The following FERMT3 variants were observed in gnomAD, a reference collection of about 807,000 sequenced individuals.
The protein encoded by FERMT3 is FERM domain containing kindlin 3.
Under a neutral mutation model 80.8 loss-of-function variants are expected in FERMT3, and 33 were observed. The observed-to-expected ratio is 0.41, with a 90% CI of 0.31 to 0.55. The LOEUF (loss-of-function observed/expected upper bound fraction) is 0.55, where lower values mean the gene tolerates loss of function less well. FERMT3 is among the 20% of genes least tolerant of loss of function. The probability of loss-of-function intolerance (pLI) is 0.31; values close to 1 mark genes in which losing one functional copy is unlikely to be tolerated. For missense variants in FERMT3, 754 were observed against 908.7 expected (o/e 0.83, Z 2.19); for synonymous variants, 375 against 372.2 (o/e 1.01, Z -0.09).
Position 64,210,582 on chromosome 11 carries a change from G to A in FERMT3, c.161-29G>A. The A allele has an allele frequency of 6.2e-7, 1 of 1,603,362 alleles. No individual in the cohort carries two copies. Among genetic ancestry groups the A allele is most frequent in the South Asian group, 1.1e-5 (1 of 90,886 alleles). On this transcript the variant is annotated intron_variant, in intron 2 of 14. Coordinates refer to ENST00000345728, the MANE Select transcript of FERMT3 (RefSeq NM_031471.6). This position sits in a 1 kb window ranked among gnomAD's most constrained non-coding sequence, Gnocchi z 4.3. ...GTTGGGGGCACCAGGGAGGAAGGTT[G>A]GACCCAGATGTGCCCCCGTGCCCCA...
Position 64,210,621 on chromosome 11 carries a change from G to A in FERMT3, c.171G>A (p.Gln57=). 2 of 1,614,076 alleles carry A rather than the reference G, an allele frequency of 1.2e-6. No individual in the cohort carries two copies. Among genetic ancestry groups the A allele is most frequent in the Non-Finnish European group, 8.5e-7 (1 of 1,179,952 alleles). ...LKIVEQINRK[Q]DWSDHAIWWE... is the part of the protein sequence containing the mutation. ...CCCCGTGCCCCACAGATCGCAAGCA[G>A]GACTGGTCAGACCATGCTATTTGGT... The change falls in exon 3 of 15, where the codon CAG becomes CAA. Residue 57 remains glutamine (Q), a synonymous_variant. Transcript: ENST00000345728. The surrounding 1 kb of genome is among the most constrained non-coding windows in gnomAD (Gnocchi z 4.3).
Position 64,219,697 on chromosome 11 carries a change from C to T in FERMT3, c.1029+39C>T, listed in dbSNP as rs957897162. ...CAGGGCAGGGGCTGGGCAGGGAGAACTGTGAGGTACCGGGTGCCCCTCTGA... is the reference window on the plus strand; with the variant it reads ...CAGGGCAGGGGCTGGGCAGGGAGAATTGTGAGGTACCGGGTGCCCCTCTGA... On this transcript the variant is annotated intron_variant, in intron 8 of 14. Transcript: ENST00000345728. This position sits in a 1 kb window ranked among gnomAD's most constrained non-coding sequence, Gnocchi z 4.0. The T allele has an allele frequency of 8.1e-6, 13 of 1,613,620 alleles. No individual in the cohort carries two copies. Among genetic ancestry groups the T allele is most frequent in the Non-Finnish European group, 8.5e-6 (10 of 1,179,896 alleles).
At position 64,211,811 on chromosome 11, in the gene FERMT3, G is replaced by C; in HGVS notation, c.786+64G>C. 1 of 1,492,406 alleles carries C rather than the reference G, an allele frequency of 6.7e-7. No individual in the cohort carries two copies. The highest frequency in any genetic ancestry group is 1.1e-5 in the South Asian group (1 of 88,416). The allele number at this position is 1,492,406 out of a possible 1,614,324, so 92.4% of individuals were successfully genotyped here. ...GAGATGTGGAGACCTAGGGCCTGGG[G>C]TATGGGCTCTGGGATGTTAGTGACT... is the stretch of plus-strand genomic sequence containing the variant. On this transcript the variant is annotated intron_variant, in intron 6 of 14. Coordinates refer to ENST00000345728, the MANE Select transcript of FERMT3 (RefSeq NM_031471.6). This position sits in a 1 kb window ranked among gnomAD's most constrained non-coding sequence, Gnocchi z 4.7.
chr11:64,215,453 C>T (rs1200431315), intron 6 of FERMT3, among the ~76,000 whole-genome samples: 1 of 151,994 alleles, frequency 6.6e-6, no homozygotes, highest in Non-Finnish European at 1.5e-5. Flanking sequence ...GAGCACTTTG[C>T]CAGATAAATA....
chr11:64,211,084 C>A lies in FERMT3; in HGVS notation c.427C>A (p.Arg143=). 2 of 1,585,542 alleles carry A rather than the reference C, an allele frequency of 1.3e-6. No homozygotes were observed. Among genetic ancestry groups the A allele is most frequent in the East Asian group, 2.3e-5 (1 of 42,972 alleles). ...IRHPEELSLL[R]APEKKEKKKK... ...GCACCCCGAGGAGCTGTCCCTGCTCCGGGCTCCTGAGAAGAAGGAGAAGAA... is the reference window on the plus strand; with the variant it reads ...GCACCCCGAGGAGCTGTCCCTGCTCAGGGCTCCTGAGAAGAAGGAGAAGAA... Residue 143 remains arginine, a synonymous_variant, in exon 4 of 15, where the codon CGG becomes AGG. Coordinates refer to ENST00000345728, the MANE Select transcript of FERMT3 (RefSeq NM_031471.6). This position sits in a 1 kb window ranked among gnomAD's most constrained non-coding sequence, Gnocchi z 4.7.
chr11:64,208,219 GGT>G (rs1293417468), intron 2 of FERMT3, among the ~76,000 whole-genome samples: 1 of 152,204 alleles, frequency 6.6e-6, no homozygotes, highest in South Asian at 2.1e-4. Flanking sequence ...CACAGGAGGA[GGT>G]CAGTCCGACT....
chr11:64,213,613 A>G (rs1946489131), intron 6 of FERMT3, among the ~76,000 whole-genome samples: 1 of 139,660 alleles, frequency 7.2e-6, no homozygotes, highest in Admixed American at 7.9e-5. Flanking sequence ...GCTGGAGTGC[A>G]ATGACGTGAT....
chr11:64,216,245 G>A (rs1319887905), intron 6 of FERMT3, among the ~76,000 whole-genome samples: 1 of 146,766 alleles, frequency 6.8e-6, no homozygotes, highest in Non-Finnish European at 1.5e-5. Context: ...CACCCAGGCT[G>A]GAGTGCAATG....
Position 64,220,463 on chromosome 11 carries a change from G to A in FERMT3, c.1339G>A (p.Gly447Ser). ...GCAGCAGTATGCCCGCTGGATGGCT[G>A]GCTGCCGCCTGGCCTCCAAAGGCCG... The part of the protein sequence containing the change: ...DEQQYARWMA[G>S]CRLASKGRTM... The change falls in exon 12 of 15, where the codon GGC becomes AGC. Residue 447 changes from glycine to serine, a missense_variant. Gly to Ser is a moderately conservative substitution (Grantham distance 56). Transcript: ENST00000345728. The A allele has an allele frequency of 6.2e-7, 1 of 1,610,286 alleles. No individual in the cohort carries two copies. Among genetic ancestry groups the A allele is most frequent in the Non-Finnish European group, 8.5e-7 (1 of 1,178,906 alleles).
rs776914667 is a variant in FERMT3, at chr11:64,211,259, C to G, written c.515-16C>G. On this transcript the variant is annotated splice_polypyrimidine_tract_variant and intron_variant, in intron 4 of 14. Transcript: ENST00000345728. The surrounding 1 kb of genome is among the most constrained non-coding windows in gnomAD (Gnocchi z 4.7). The stretch of plus-strand genomic sequence containing the variant: ...CCTGGGGGACAGGCCTGGTTGACTC[C>G]CAACCTGCACTCCAGGCGTGGCACC... 28 of 1,612,968 alleles carry G rather than the reference C, an allele frequency of 1.7e-5. No homozygotes were observed. Among genetic ancestry groups the G allele is most frequent in the Non-Finnish European group, 2.4e-5 (28 of 1,179,862 alleles).
Position 64,219,453 on chromosome 11 carries a change from G to C in FERMT3, c.895-71G>C, listed in dbSNP as rs1946624327. The C allele has an allele frequency of 1.9e-6, 3 of 1,558,794 alleles. No homozygotes were observed. Among genetic ancestry groups the C allele is most frequent in the Non-Finnish European group, 2.6e-6 (3 of 1,152,056 alleles). The stretch of plus-strand genomic sequence containing the variant: ...CTGAGTGGGGGCTACCTCCAGGGAA[G>C]CCCGGCCTGGGGGTACTGCTAGGGG... On this transcript the variant is annotated intron_variant, in intron 7 of 14. Coordinates refer to ENST00000345728, the MANE Select transcript of FERMT3 (RefSeq NM_031471.6). The surrounding 1 kb of genome is among the most constrained non-coding windows in gnomAD (Gnocchi z 4.0).
chr11:64,216,095 G>T (rs938324378), intron 6 of FERMT3, among the ~76,000 whole-genome samples: 1 of 151,788 alleles, frequency 6.6e-6, no homozygotes, highest in Non-Finnish European at 1.5e-5. Context: ...GCCTCCCAAA[G>T]TGCTAGGATT....
At chr11:64,218,734 T>C (rs1946606766) in intron 6 of FERMT3, among the ~76,000 whole-genome samples, 1 of 152,232 alleles carries the variant, frequency 6.6e-6, no homozygotes, top group Admixed American at 6.5e-5. Flanking sequence ...CAGTTCCTTT[T>C]CTCTGGAATC....
At chr11:64,220,043 G>A in intron 10 of FERMT3, 28 bp downstream of exon 10, 7 of 1,611,808 alleles carry the variant, frequency 4.3e-6, no homozygotes, top group Middle Eastern at 1.7e-4. Flanking sequence ...GGGGCTGGGT[G>A]GGGGGATCCC....
At position 64,219,530 on chromosome 11, in the gene FERMT3, A is replaced by G. The variant is rs906322276; in HGVS notation, c.901A>G (p.Ile301Val). Residue 301 changes from isoleucine to valine, a missense_variant, in exon 8 of 15, where the codon ATC (isoleucine) becomes GTC (valine). Physicochemically the swap from Ile to Val is conservative, Grantham distance 29. Coordinates refer to ENST00000345728, the MANE Select transcript of FERMT3 (RefSeq NM_031471.6). This position sits in a 1 kb window ranked among gnomAD's most constrained non-coding sequence, Gnocchi z 4.0. ...TGGCTTCATGACCACCTAGTACCAC[A>G]TCAACAAGCTGTCCCAGAGCGGGGA... Reference protein sequence around the residue: ...MMVFAALQYHINKLSQSGEVG... With the variant: ...MMVFAALQYHVNKLSQSGEVG... The G allele has an allele frequency of 7.5e-6, 12 of 1,606,422 alleles. No individual in the cohort carries two copies. The highest frequency in any genetic ancestry group is 4.5e-5 in the East Asian group (2 of 44,666).
intron 6 of FERMT3, among the ~76,000 whole-genome samples, chr11:64,218,872 TGGG>T (rs923391901): frequency 6.6e-6 from 1 of 151,892 alleles, no homozygotes; most frequent in African/African-American, 2.4e-5. Context: ...CCATTGAACT[TGGG>T]GGGGCCTTAG....
In FERMT3 at chr11:64,220,605, C is replaced by T. The variant is rs1946658959; in HGVS notation, c.1481C>T (p.Ala494Val). The change falls in exon 12 of 15, where the codon GCC (alanine) becomes GTC (valine). Residue 494 changes from alanine (A) to valine (V), a missense_variant. Physicochemically the swap from Ala to Val is moderately conservative, Grantham distance 64. Coordinates refer to ENST00000345728, the MANE Select transcript of FERMT3 (RefSeq NM_031471.6). ...GNHPHGPDAS[A>V]EGLNPYGLVA... ...CACCCCCACGGCCCTGATGCCTCTGCCGAGGGCCTCAACCCCTACGGCCTC... is the reference window on the plus strand; with the variant it reads ...CACCCCCACGGCCCTGATGCCTCTGTCGAGGGCCTCAACCCCTACGGCCTC... The T allele has an allele frequency of 6.2e-7, 1 of 1,610,794 alleles. No homozygotes were observed. The highest frequency in any genetic ancestry group is 1.7e-5 in the Admixed American group (1 of 59,726).
upstream of FERMT3, among the ~76,000 whole-genome samples, chr11:64,206,371 C>T (rs1200165471): frequency 1.3e-5 from 2 of 152,232 alleles, no homozygotes; most frequent in East Asian, 1.9e-4. Context: ...TGGGCTCTCC[C>T]TCCGGCAGCC....
Position 64,221,049 on chromosome 11 carries a change from G to T in FERMT3, c.1579G>T (p.Val527Leu). 1 of 1,612,870 alleles carries T rather than the reference G, an allele frequency of 6.2e-7. No homozygotes were observed. Among genetic ancestry groups the T allele is most frequent in the South Asian group, 1.1e-5 (1 of 91,090 alleles). Reference sequence around the variant, plus strand: ...ACGGATCCTGGAAGCCCACCAGAATGTGGCCCAGTTGTCGCTGGCAGAGGC... The same window carrying T: ...ACGGATCCTGGAAGCCCACCAGAATTTGGCCCAGTTGTCGCTGGCAGAGGC... ...TPRILEAHQNVAQLSLAEAQL... is the reference protein window; with the variant it reads ...TPRILEAHQNLAQLSLAEAQL... Residue 527 changes from valine (V) to leucine (L), a missense_variant, in exon 13 of 15, where the codon GTG becomes TTG. Physicochemically the swap from Val to Leu is conservative, Grantham distance 32. Transcript: ENST00000345728.
Sources: allele counts gnomAD v4.1 joint callset (sites outside exome capture counted in the v4.1 genomes callset), GRCh38; gene constraint gnomAD v4.1.1; non-coding constraint Gnocchi (gnomAD v3.1); transcripts MANE v1.5; gene names NCBI Gene and HGNC (gene_info 2026-07-23, HGNC 2026-07-21).